The following MKLN1 variants were observed in gnomAD, a reference collection of about 807,000 sequenced individuals.
The protein encoded by MKLN1 is muskelin 1.
A neutral mutation model predicts 99.0 loss-of-function variants in MKLN1; 18 were observed. That is an observed-to-expected ratio of 0.18 (90% CI 0.13 to 0.27). MKLN1 has a LOEUF of 0.27. Ranked by LOEUF, MKLN1 falls within the 10% of genes least tolerant of loss-of-function variation. The pLI is 1.00. For synonymous variants in MKLN1, 288 were observed against 293.2 expected, an observed-to-expected ratio of 0.98 and a Z score of 0.18; for missense variants, 621 against 875.9, an observed-to-expected ratio of 0.71 and a Z score of 3.67.
chr7:131,134,072 C>T (rs1349849066), intron 1 of MKLN1, among the ~76,000 whole-genome samples: 1 of 151,866 alleles, frequency 6.6e-6, no homozygotes, highest in African/African-American at 2.4e-5. Context: ...TCAGTTGATC[C>T]ACCTGCCTCG....
intron 2 of MKLN1, chr7:131,143,074 T>C (rs972557083): frequency 6.2e-6 from 3 of 485,428 alleles, no homozygotes; most frequent in East Asian, 7.3e-5. Context: ...ACTAGTCTAG[T>C]TGTTTTCACA....
chr7:131,429,991 T>A (rs1460611216), intron 9 of MKLN1, among the ~76,000 whole-genome samples: 1 of 152,218 alleles, frequency 6.6e-6, no homozygotes, highest in African/African-American at 2.4e-5. Context: ...GGTTTATGGC[T>A]TTGAATTAAG....
chr7:131,224,310 C>CTATTGGGGACAATCAATCG (rs1265013494), intron 3 of MKLN1, among the ~76,000 whole-genome samples: 9 of 151,426 alleles, frequency 5.9e-5, no homozygotes, highest in East Asian at 2.0e-4. Context: ...CTTTGGGAGG[C>CTATTGGGGACAATCAATCG]CAAGGTGGGC....
rs549316971 is a variant in MKLN1 at position 131,416,566 on chromosome 7, G to A, written c.847+1856G>A. 4.0e-5 allele frequency among the ~76,000 whole-genome samples: 6 copies of A among 151,258 alleles called. No homozygotes were observed. The South Asian group carries it at 1.3e-3, about 32-fold the overall frequency. ...GATGGAGTCTTGCTCTGTCGCCCAG[G>A]CTGGAGTGCAGTGGCGCAAAGGCCT... is the stretch of plus-strand genomic sequence containing the variant. On this transcript the variant is annotated intron_variant, in intron 8 of 17. Coordinates refer to ENST00000352689, the MANE Select transcript of MKLN1 (RefSeq NM_013255.5).
At chr7:131,359,404 T>C (rs982667926) in intron 1 of MKLN1, among the ~76,000 whole-genome samples, 1 of 152,164 alleles carries the variant, frequency 6.6e-6, no homozygotes, top group South Asian at 2.1e-4. Context: ...TACTAACATA[T>C]ATTTTATCAT....
intron 2 of MKLN1, among the ~76,000 whole-genome samples, chr7:131,148,239 A>T (rs1795842110): frequency 6.6e-6 from 1 of 152,128 alleles, no homozygotes; most frequent in Admixed American, 6.6e-5. Flanking sequence ...CCAGGCCAGC[A>T]TCCTAGGCTC....
intron 3 of MKLN1, among the ~76,000 whole-genome samples, chr7:131,220,186 C>T (rs1408825465): frequency 6.6e-6 from 1 of 152,202 alleles, no homozygotes; most frequent in Non-Finnish European, 1.5e-5. Context: ...GCCTGTCTTT[C>T]CACTCATTTA....
At chr7:131,429,745 A>AT (rs1017386498) in intron 9 of MKLN1, among the ~76,000 whole-genome samples, 4 of 151,368 alleles carry the variant, frequency 2.6e-5, no homozygotes, top group Non-Finnish European at 4.4e-5. Flanking sequence ...CGCCCAGCGA[A>AT]TTTTTTTTTG....
intron 1 of MKLN1, among the ~76,000 whole-genome samples, chr7:131,335,154 T>G (rs1279495001): frequency 6.6e-6 from 1 of 152,184 alleles, no homozygotes; most frequent in East Asian, 1.9e-4. Flanking sequence ...AAATATTTTT[T>G]AACATCTTTG....
intron 3 of MKLN1, among the ~76,000 whole-genome samples, chr7:131,321,615 C>A (rs544388054): frequency 6.6e-6 from 1 of 152,132 alleles, no homozygotes; most frequent in African/African-American, 2.4e-5. Flanking sequence ...TTTCAAATCT[C>A]TCATTATCAA....
chr7:131,185,801 G>A (rs1313459235), intron 2 of MKLN1, among the ~76,000 whole-genome samples: 1 of 152,134 alleles, frequency 6.6e-6, no homozygotes, highest in Non-Finnish European at 1.5e-5. Context: ...CCATAAAGTT[G>A]TTTTGAGGCT....
At chr7:131,459,780 T>G (rs2116592672) in intron 12 of MKLN1, among the ~76,000 whole-genome samples, 1 of 152,332 alleles carries the variant, frequency 6.6e-6, no homozygotes, top group East Asian at 1.9e-4. Flanking sequence ...CACCATCTTT[T>G]TAAATTAAAC....
intron 1 of MKLN1, among the ~76,000 whole-genome samples, chr7:131,349,489 C>T (rs146962513): frequency 2.0e-5 from 3 of 152,302 alleles, no homozygotes; most frequent in Non-Finnish European, 2.9e-5. Context: ...CCGCCGCACC[C>T]GGCCTTAAAT....
intron 3 of MKLN1, among the ~76,000 whole-genome samples, chr7:131,284,166 G>A (rs866421661): frequency 5.9e-5 from 9 of 152,138 alleles, no homozygotes; most frequent in African/African-American, 1.7e-4. Context: ...TAGGGAATAG[G>A]ATATGCGCAC....
rs188066149 is a variant in MKLN1, at chr7:131,465,624, T to C, written c.1789-652T>C. ...CGCAATCTCTGCTCACTGCAAGCTC[T>C]GCCCCCTGGGTTCACATCATTCTCC... is the stretch of plus-strand genomic sequence containing the variant. On this transcript the variant is annotated intron_variant, in intron 14 of 17. Transcript: ENST00000352689. 3.5e-3 allele frequency among the ~76,000 whole-genome samples: 534 copies of C among 152,258 alleles called. 2 individuals carry two copies. The highest frequency in any genetic ancestry group is 0.012 in the African/African-American group (508 of 41,550).
intron 1 of MKLN1, among the ~76,000 whole-genome samples, chr7:131,121,760 G>A (rs1213997257): frequency 2.6e-5 from 4 of 151,696 alleles, no homozygotes; most frequent in Admixed American, 2.6e-4. Context: ...AAGTGCAGAT[G>A]TCCCCTGCAG....
intron 16 of MKLN1, chr7:131,472,007 T>C (rs1275031132): frequency 6.6e-6 from 1 of 152,234 alleles, no homozygotes; most frequent in Non-Finnish European, 1.5e-5. Context: ...AGGACATGCT[T>C]TAGAACCCCC....
chr7:131,325,716 C>A (rs138766017), upstream of MKLN1, among the ~76,000 whole-genome samples: 3 of 148,350 alleles, frequency 2.0e-5, no homozygotes, highest in African/African-American at 7.5e-5. Context: ...AAAAAAAAAC[C>A]AAAAAAATTT....
intron 8 of MKLN1, among the ~76,000 whole-genome samples, chr7:131,420,922 T>A (rs564424065): frequency 6.6e-6 from 1 of 152,342 alleles, no homozygotes; most frequent in East Asian, 1.9e-4. Flanking sequence ...ATTCAGATAC[T>A]GCTGTAAACC....
Sources: gnomAD v4.1 joint callset for allele counts (sites outside exome capture counted in the v4.1 genomes callset) on GRCh38, gnomAD v4.1.1 for gene constraint, MANE v1.5 for transcripts, NCBI Gene and HGNC (gene_info 2026-07-23, HGNC 2026-07-21) for gene names.